The following ALCAM variants were observed in gnomAD, a reference collection of about 807,000 sequenced individuals.
ALCAM encodes CD166 antigen.
ALCAM carries 30 observed loss-of-function variants against 70.9 expected under a neutral mutation model. The observed-to-expected ratio is 0.42, with a 90% CI of 0.32 to 0.57. The LOEUF (loss-of-function observed/expected upper bound fraction) is 0.57. ALCAM is among the 20% of genes least tolerant of loss of function. The probability of loss-of-function intolerance (pLI) is 0.11; values close to 1 mark genes in which losing one functional copy is unlikely to be tolerated. For synonymous variants in ALCAM, 249 were observed against 242.5 expected (o/e 1.03, Z -0.25); for missense variants, 591 against 695.1 (o/e 0.85, Z 1.68).
intron 12 of ALCAM, 86 bp downstream of exon 12, chr3:105,550,345 G>C (rs920018112): frequency 7.8e-7 from 1 of 1,287,904 alleles, no homozygotes; most frequent in East Asian, 2.4e-5. Flanking sequence ...CCATCTTCCT[G>C]TACTGCATTA....
At chr3:105,379,784 C>G (rs1239046541) in intron 1 of ALCAM, among the ~76,000 whole-genome samples, 1 of 151,548 alleles carries the variant, frequency 6.6e-6, no homozygotes. Flanking sequence ...TATTAAAAAC[C>G]TATAATTTTA....
intron 1 of ALCAM, among the ~76,000 whole-genome samples, chr3:105,382,156 T>G (rs2107336272): frequency 6.7e-6 from 1 of 149,084 alleles, no homozygotes; most frequent in Non-Finnish European, 1.5e-5. Context: ...GTTCTCATTG[T>G]TCAATTCCCA....
chr3:105,412,199 T>C (rs993741835), intron 1 of ALCAM, among the ~76,000 whole-genome samples: 2 of 152,118 alleles, frequency 1.3e-5, no homozygotes, highest in Non-Finnish European at 2.9e-5. Context: ...TATATTAGAA[T>C]GGGAGGAATA....
At chr3:105,437,880 A>G (rs191909752) in intron 1 of ALCAM, among the ~76,000 whole-genome samples, 141 of 152,270 alleles carry the variant, frequency 9.3e-4, no homozygotes, top group African/African-American at 3.4e-3. Flanking sequence ...CTAAACTCTC[A>G]TATTTTATAG....
intron 1 of ALCAM, among the ~76,000 whole-genome samples, chr3:105,415,346 C>T (rs1936482793): frequency 6.6e-6 from 1 of 152,124 alleles, no homozygotes; most frequent in Non-Finnish European, 1.5e-5. Flanking sequence ...TGCGTCCATG[C>T]TGTCTTTGGA....
chr3:105,400,732 A>T (rs985334617), intron 1 of ALCAM, among the ~76,000 whole-genome samples: 11 of 152,050 alleles, frequency 7.2e-5, no homozygotes, highest in Admixed American at 5.9e-4. Flanking sequence ...TGGTGGTGGG[A>T]TTTGTTGGTT....
chr3:105,443,961 G>T (rs1465447038), intron 1 of ALCAM, among the ~76,000 whole-genome samples: 1 of 152,082 alleles, frequency 6.6e-6, no homozygotes, highest in East Asian at 1.9e-4. Context: ...AAATTCTAGG[G>T]TAATTTTATA....
chr3:105,557,916 T>C (rs1248867400), intron 14 of ALCAM, among the ~76,000 whole-genome samples: 1 of 152,154 alleles, frequency 6.6e-6, no homozygotes, highest in African/African-American at 2.4e-5. Context: ...TTGTAAGTTG[T>C]AGTAATAAGA....
chr3:105,521,797 GA>G (rs1240918476), intron 2 of ALCAM, among the ~76,000 whole-genome samples: 1 of 152,194 alleles, frequency 6.6e-6, no homozygotes, highest in Admixed American at 6.5e-5. Context: ...GAAATGAAAG[GA>G]AAGGAAAGGA....
intron 1 of ALCAM, among the ~76,000 whole-genome samples, chr3:105,470,130 C>CAT (rs144436139): frequency 0.48 from 57,610 of 120,988 alleles, 11,647 homozygotes; most frequent in Admixed American, 0.6. Flanking sequence ...ATGTTATATA[C>CAT]ATACACACAC....
At chr3:105,388,936 A>T (rs1935726292) in intron 1 of ALCAM, among the ~76,000 whole-genome samples, 1 of 151,614 alleles carries the variant, frequency 6.6e-6, no homozygotes, top group African/African-American at 2.4e-5. Flanking sequence ...TAATTGAAAC[A>T]AGTAACTTAA....
At chr3:105,460,474 G>C (rs1576178158) in intron 1 of ALCAM, among the ~76,000 whole-genome samples, 1 of 151,974 alleles carries the variant, frequency 6.6e-6, no homozygotes, top group African/African-American at 2.4e-5. Flanking sequence ...TTAAGAAAGT[G>C]AATTTACACT....
intron 14 of ALCAM, among the ~76,000 whole-genome samples, chr3:105,559,569 C>T (rs1940590644): frequency 6.6e-6 from 1 of 151,978 alleles, no homozygotes; most frequent in Non-Finnish European, 1.5e-5. Context: ...TTCGTAAGGG[C>T]TCCACCTTTA....
At chr3:105,491,653 G>C (rs1417248083) in intron 1 of ALCAM, among the ~76,000 whole-genome samples, 2 of 152,158 alleles carry the variant, frequency 1.3e-5, no homozygotes, top group Non-Finnish European at 2.9e-5. Context: ...AATTTCCACA[G>C]ATCTCTAGGG....
intron 1 of ALCAM, among the ~76,000 whole-genome samples, chr3:105,383,190 AG>A (rs1935570711): frequency 6.6e-6 from 1 of 151,676 alleles, no homozygotes; most frequent in Non-Finnish European, 1.5e-5. Context: ...GATCTCTCTA[AG>A]GTGCCTGTCC....
intron 1 of ALCAM, among the ~76,000 whole-genome samples, chr3:105,447,528 A>G (rs1299352301): frequency 6.6e-6 from 1 of 152,170 alleles, no homozygotes; most frequent in Admixed American, 6.5e-5. Context: ...GGGACATGCC[A>G]TCTCTACCAA....
At chr3:105,505,929 ATAG>A (rs1939062404) in intron 1 of ALCAM, among the ~76,000 whole-genome samples, 1 of 152,206 alleles carries the variant, frequency 6.6e-6, no homozygotes, top group Non-Finnish European at 1.5e-5. Flanking sequence ...TTTAGAACAA[ATAG>A]AAAATTTCCA....
At chr3:105,440,465 T>G (rs1485082916) in intron 1 of ALCAM, among the ~76,000 whole-genome samples, 1 of 152,198 alleles carries the variant, frequency 6.6e-6, no homozygotes, top group Non-Finnish European at 1.5e-5. Flanking sequence ...AGGATGGACT[T>G]GGAGAAAAAC....
intron 1 of ALCAM, among the ~76,000 whole-genome samples, chr3:105,395,884 C>T (rs1216820122): frequency 5.3e-5 from 8 of 151,940 alleles, no homozygotes; most frequent in African/African-American, 4.8e-5. Context: ...ATATGGCAGC[C>T]CATGTCTCCT....
Sources: allele counts gnomAD v4.1 joint callset (sites outside exome capture counted in the v4.1 genomes callset), GRCh38; gene constraint gnomAD v4.1.1; transcripts MANE v1.5; gene names NCBI Gene and HGNC (gene_info 2026-07-23, HGNC 2026-07-21).